Variants in CYSLTR1 observed in about 807,000 individuals in gnomAD.
The protein encoded by CYSLTR1 is cysteinyl leukotriene receptor 1.
Under a neutral mutation model 2.1 loss-of-function variants are expected in CYSLTR1, and 1 was observed. The observed-to-expected ratio is 0.48, with a 90% confidence interval of 0.17 to 2.28. The LOEUF is 2.28. Among genes scored for constraint, CYSLTR1 ranks in the 30% most tolerant of loss-of-function variants. The pLI is 0.26. For synonymous variants in CYSLTR1, 110 were observed against 89.6 expected (o/e 1.23, Z -1.28); for missense variants, 299 against 250.1 (o/e 1.20, Z -1.32).
At chrX:78,293,833 G>T (rs1170619033) in intron 1 of CYSLTR1, among the ~76,000 whole-genome samples, 1 of 111,501 alleles carries the variant, frequency 9.0e-6, no homozygotes, top group Non-Finnish European at 1.9e-5. Context: ...GCTCCTTCAG[G>T]TCATTTAAGG....
intron 1 of CYSLTR1, among the ~76,000 whole-genome samples, chrX:78,292,196 A>G (rs781477993): frequency 6.2e-5 from 7 of 112,182 alleles, no homozygotes; most frequent in Non-Finnish European, 1.3e-4. Flanking sequence ...TTCAAAGAAC[A>G]TCTTTATCTC....
At chrX:78,284,772 A>G (rs758262766) in intron 1 of CYSLTR1, among the ~76,000 whole-genome samples, 167 of 110,502 alleles carry the variant, frequency 1.5e-3, no homozygotes, top group African/African-American at 5.2e-3. Flanking sequence ...AAAAAAAAAA[A>G]AAAGAAAAAA....
At chrX:78,320,786 T>C (rs1228133306) in intron 1 of CYSLTR1, 1 of 111,564 alleles carries the variant, frequency 9.0e-6, no homozygotes, top group Non-Finnish European at 1.9e-5. Context: ...TTTTATTTCA[T>C]TGAGCAGCGG....
intron 1 of CYSLTR1, among the ~76,000 whole-genome samples, chrX:78,293,175 G>C (rs1922428510): frequency 9.1e-6 from 1 of 109,876 alleles, no homozygotes. Context: ...CAGGCCTGGT[G>C]GTGACAAAAT....
rs1233266533 is a variant in CYSLTR1 at position 78,272,621 on chromosome X, G to T, written c.*112C>A. 2.7e-6 allele frequency: 2 copies of T among 750,302 alleles called. No individual in the cohort carries two copies. Among genetic ancestry groups the T allele is most frequent in the African/African-American group, 2.2e-5 (1 of 46,151 alleles). 61.8% of individuals were successfully genotyped at this position (750,302 alleles called of 1,213,427 possible). A position where few individuals can be genotyped will look rare whatever the true frequency, so the allele number is the denominator to read the frequency against. ...TGAGATAGAGTTGTAGGCCCAAATAGTTAAGTATTTGTAAAATATTAAGTA... is the reference window on the plus strand; with the variant it reads ...TGAGATAGAGTTGTAGGCCCAAATATTTAAGTATTTGTAAAATATTAAGTA... On this transcript the variant is annotated 3_prime_UTR_variant, in exon 3 of 3. Coordinates refer to ENST00000373304, the MANE Select transcript of CYSLTR1 (RefSeq NM_006639.4).
chrX:78,281,353 G>A (rs767786480), intron 2 of CYSLTR1, among the ~76,000 whole-genome samples: 44 of 108,697 alleles, frequency 4.0e-4, no homozygotes, highest in Non-Finnish European at 5.2e-4. Context: ...TGCAACCTCC[G>A]CCTCCCAGGT....
At chrX:78,291,772 G>A (rs1922337896) in intron 1 of CYSLTR1, among the ~76,000 whole-genome samples, 1 of 111,360 alleles carries the variant, frequency 9.0e-6, no homozygotes, top group Non-Finnish European at 1.9e-5. Flanking sequence ...AGTATTGTCT[G>A]ATGGTAGTTT....
intron 1 of CYSLTR1, among the ~76,000 whole-genome samples, chrX:78,302,313 G>A (rs1042910269): frequency 1.8e-5 from 2 of 112,140 alleles, no homozygotes; most frequent in Non-Finnish European, 3.8e-5. Flanking sequence ...ATGGCAGTGG[G>A]CTCCCCTCTG....
chrX:78,305,049 A>G (rs1277883612), intron 1 of CYSLTR1, among the ~76,000 whole-genome samples: 1 of 111,569 alleles, frequency 9.0e-6, no homozygotes, highest in Non-Finnish European at 1.9e-5. Flanking sequence ...TATGGCTTCA[A>G]GATTCCAAAT....
At chrX:78,274,501 G>T (rs1921480220) in intron 2 of CYSLTR1, among the ~76,000 whole-genome samples, 1 of 111,723 alleles carries the variant, frequency 9.0e-6, no homozygotes, top group Non-Finnish European at 1.9e-5. Flanking sequence ...TTTAATAAAT[G>T]GTGCTGGGAA....
chrX:78,319,570 A>C (rs1785140344), intron 1 of CYSLTR1: 1 of 110,665 alleles, frequency 9.0e-6, no homozygotes, highest in Admixed American at 9.6e-5. Flanking sequence ...TGCCACAATA[A>C]ACATATGTGT....
intron 1 of CYSLTR1, among the ~76,000 whole-genome samples, chrX:78,299,767 G>A (rs757595875): frequency 9.0e-6 from 1 of 111,250 alleles, no homozygotes; most frequent in East Asian, 2.8e-4. Context: ...CCATTAGGTA[G>A]TCTTCTTTGG....
At chrX:78,302,079 G>A (rs954391535) in intron 1 of CYSLTR1, among the ~76,000 whole-genome samples, 4 of 111,946 alleles carry the variant, frequency 3.6e-5, no homozygotes, top group East Asian at 2.8e-4. Context: ...TTCCTCCCAC[G>A]ACACATGGGA....
At chrX:78,320,189 C>G (rs1166688047) in intron 1 of CYSLTR1, 1 of 112,030 alleles carries the variant, frequency 8.9e-6, no homozygotes, top group Non-Finnish European at 1.9e-5. Context: ...TTGCCCATGC[C>G]TATGTCCTGA....
intron 1 of CYSLTR1, among the ~76,000 whole-genome samples, chrX:78,293,658 T>C (rs911930587): frequency 2.7e-5 from 3 of 111,949 alleles, no homozygotes; most frequent in African/African-American, 6.5e-5. Flanking sequence ...CCCATATTTC[T>C]TGGAGGCTTT....
At chrX:78,291,792 T>C (rs1388121508) in intron 1 of CYSLTR1, among the ~76,000 whole-genome samples, 1 of 111,382 alleles carries the variant, frequency 9.0e-6, no homozygotes, top group Non-Finnish European at 1.9e-5. Context: ...TGTATTGCTG[T>C]GGGGTCAGTG....
chrX:78,280,525 TGG>T (rs377272877), intron 2 of CYSLTR1, among the ~76,000 whole-genome samples: 2 of 95,449 alleles, frequency 2.1e-5, no homozygotes, highest in African/African-American at 7.5e-5. Flanking sequence ...GTGTGTGTGT[TGG>T]GGGGGGGGTA....
chrX:78,273,342 A>G lies in CYSLTR1; in HGVS notation c.405T>C (p.Val135=). 6 of 1,211,339 alleles carry G rather than the reference A, an allele frequency of 5.0e-6. No individual in the cohort carries two copies. Among genetic ancestry groups the G allele is most frequent in the Non-Finnish European group, 6.7e-6 (6 of 895,401 alleles). ...IVFPVQNINL[V]TQKKARFVCV... ...ACACAAACCTGGCTTTTTTCTGTGT[A>G]ACCAAATTAATGTTCTGGACTGGAA... Residue 135 remains valine, a synonymous_variant, in exon 3 of 3, where the codon GTT becomes GTC. Coordinates refer to ENST00000373304, the MANE Select transcript of CYSLTR1 (RefSeq NM_006639.4).
intron 2 of CYSLTR1, among the ~76,000 whole-genome samples, chrX:78,274,276 A>C (rs780751979): frequency 9.0e-6 from 1 of 111,557 alleles, no homozygotes; most frequent in Non-Finnish European, 1.9e-5. Flanking sequence ...AAGCCAAAAG[A>C]ACAAAGCTGG....
Sources: allele counts gnomAD v4.1 joint callset (sites outside exome capture counted in the v4.1 genomes callset), GRCh38; gene constraint gnomAD v4.1.1; transcripts MANE v1.5; gene names NCBI Gene and HGNC (gene_info 2026-07-23, HGNC 2026-07-21).